Variants in KCNH8 observed in about 807,000 individuals in gnomAD.
KCNH8 encodes potassium voltage-gated channel subfamily H member 8.
In KCNH8, 70 loss-of-function variants were observed where a neutral mutation model predicts 103.6. The ratio of observed to expected loss-of-function variants is 0.68; its 90% CI spans 0.56 to 0.82. The LOEUF is 0.82. KCNH8 is among the 40% of genes least tolerant of loss of function. The pLI is 0.00. For missense variants in KCNH8, 1,217 were observed against 1,329.9 expected, an observed-to-expected ratio of 0.92 and a Z score of 1.32; for synonymous variants, 498 against 489.4, an observed-to-expected ratio of 1.02 and a Z score of -0.23.
intron 1 of KCNH8, among the ~76,000 whole-genome samples, chr3:19,158,340 AC>A (rs1214125997): frequency 6.6e-6 from 1 of 151,660 alleles, no homozygotes; most frequent in Non-Finnish European, 1.5e-5. Flanking sequence ...ATATTTTAGT[AC>A]TACAATTTTA....
At chr3:19,325,391 A>G (rs2125306384) in intron 3 of KCNH8, among the ~76,000 whole-genome samples, 2 of 152,312 alleles carry the variant, frequency 1.3e-5, no homozygotes, top group South Asian at 4.1e-4. Context: ...CTGTCAATAG[A>G]GTAGAAAGAT....
intron 12 of KCNH8, among the ~76,000 whole-genome samples, chr3:19,511,353 A>C (rs1309346217): frequency 6.6e-6 from 1 of 152,186 alleles, no homozygotes; most frequent in Admixed American, 6.5e-5. Flanking sequence ...GGAAGTATGA[A>C]ATTTCCACAA....
Position 19,513,082 on chromosome 3 carries a change from G to C in KCNH8, c.2192G>C (p.Cys731Ser). ...GAGGCAGTCTCCCTCTCTCCCATCT[G>C]CACAAGGGGATCTTCTTCGCGCAAC... ...EEEAVSLSPI[C>S]TRGSSSRNKK... The change falls in exon 13 of 16, where the codon TGC (cysteine) becomes TCC (serine). Residue 731 changes from cysteine to serine, a missense_variant. This residue lies in a region of KCNH8 where 558 missense variants were observed against 495.8 expected (regional missense o/e 1.13). Transcript: ENST00000328405. 1 of 1,613,810 alleles carries C rather than the reference G, an allele frequency of 6.2e-7. No homozygotes were observed. The highest frequency in any genetic ancestry group is 1.1e-5 in the South Asian group (1 of 91,086).
Position 19,427,505 on chromosome 3 carries a change from G to C in KCNH8, c.1178-10659G>C, listed in dbSNP as rs565644242. Among the ~76,000 whole-genome samples, 9 of 152,138 alleles carry C rather than the reference G, an allele frequency of 5.9e-5. No individual in the cohort carries two copies. In the South Asian group the frequency reaches 1.7e-3, roughly 28 times the overall value. On this transcript the variant is annotated intron_variant, in intron 7 of 15. Transcript: ENST00000328405. Reference sequence around the variant, plus strand: ...TTCCAAGAAATTACATAGAAAAATGGGTTCTTATAAACAAAAGCTATGAGG... The same window carrying C: ...TTCCAAGAAATTACATAGAAAAATGCGTTCTTATAAACAAAAGCTATGAGG...
chr3:19,331,048 A>G (rs1014526088), intron 3 of KCNH8, among the ~76,000 whole-genome samples: 3 of 152,072 alleles, frequency 2.0e-5, no homozygotes, highest in African/African-American at 7.2e-5. Flanking sequence ...CTGTAGGCAG[A>G]CTATTTCTTA....
At chr3:19,292,434 A>G (rs1002514951) in intron 3 of KCNH8, among the ~76,000 whole-genome samples, 1 of 152,224 alleles carries the variant, frequency 6.6e-6, no homozygotes, top group Non-Finnish European at 1.5e-5. Context: ...TTACACTGGT[A>G]AAAGTTTTGT....
intron 2 of KCNH8, among the ~76,000 whole-genome samples, chr3:19,262,740 A>G (rs1038368225): frequency 6.6e-5 from 10 of 152,078 alleles, no homozygotes; most frequent in Non-Finnish European, 1.5e-4. Flanking sequence ...CGACACTTGT[A>G]GTTGCTTTAG....
chr3:19,204,125 G>T (rs996509067), intron 1 of KCNH8, among the ~76,000 whole-genome samples: 3 of 152,030 alleles, frequency 2.0e-5, no homozygotes, highest in Non-Finnish European at 4.4e-5. Context: ...AATATCATCT[G>T]ATTTGGATGA....
chr3:19,292,630 G>T (rs73048565), intron 3 of KCNH8, among the ~76,000 whole-genome samples: 2,596 of 152,318 alleles, frequency 0.017, 31 homozygotes, highest in Middle Eastern at 0.088. Context: ...GCAGCCCGTG[G>T]TTAGGAACAG....
At chr3:19,466,374 C>T (rs1023236334) in intron 11 of KCNH8, among the ~76,000 whole-genome samples, 11 of 152,148 alleles carry the variant, frequency 7.2e-5, no homozygotes, top group Non-Finnish European at 1.3e-4. Flanking sequence ...GTTTGAAAGG[C>T]TTGACTCCAA....
At chr3:19,192,618 G>A (rs868368233) in intron 1 of KCNH8, among the ~76,000 whole-genome samples, 3 of 151,488 alleles carry the variant, frequency 2.0e-5, no homozygotes, top group South Asian at 4.2e-4. Context: ...AAGGTATTTG[G>A]GAAACGAGGA....
At chr3:19,505,465 TA>T (rs932985460) in intron 11 of KCNH8, among the ~76,000 whole-genome samples, 1 of 152,094 alleles carries the variant, frequency 6.6e-6, no homozygotes, top group African/African-American at 2.4e-5. Context: ...AAGTTTTTTT[TA>T]AAAAAGAATG....
At chr3:19,511,350 T>C (rs1343977027) in intron 12 of KCNH8, among the ~76,000 whole-genome samples, 4 of 152,176 alleles carry the variant, frequency 2.6e-5, no homozygotes, top group Non-Finnish European at 4.4e-5. Flanking sequence ...AATGGAAGTA[T>C]GAAATTTCCA....
At position 19,241,069 on chromosome 3, in the gene KCNH8, A is replaced by G. The variant is rs112584941; in HGVS notation, c.77-12585A>G. 7.9e-3 allele frequency among the ~76,000 whole-genome samples: 1,198 copies of G among 152,162 alleles called. 20 individuals carry two copies. The highest frequency in any genetic ancestry group is 0.027 in the African/African-American group (1,118 of 41,518). On this transcript the variant is annotated intron_variant, in intron 1 of 15. Transcript: ENST00000328405. ...TTTAGGGTTTGAGATATTTCACACT[A>G]ATTAAGATACCTCTGCTGTATCTTA...
chr3:19,246,259 T>A (rs1458993016), intron 1 of KCNH8, among the ~76,000 whole-genome samples: 1 of 146,536 alleles, frequency 6.8e-6, no homozygotes, highest in Admixed American at 6.8e-5. Flanking sequence ...TTTAAGAAGT[T>A]TTTTTGTTGT....
intron 11 of KCNH8, among the ~76,000 whole-genome samples, chr3:19,462,141 C>CT (rs1176317261): frequency 1.3e-5 from 2 of 152,142 alleles, no homozygotes; most frequent in Non-Finnish European, 2.9e-5. Flanking sequence ...ACTTATAATC[C>CT]TTTGGATATA....
At chr3:19,471,811 T>C (rs1289608520) in intron 11 of KCNH8, among the ~76,000 whole-genome samples, 1 of 152,224 alleles carries the variant, frequency 6.6e-6, no homozygotes, top group Non-Finnish European at 1.5e-5. Context: ...TATTGATTCA[T>C]GGTCAGTTGC....
intron 12 of KCNH8, 45 bp from the exon 13 acceptor site, chr3:19,512,925 G>A (rs2068806661): frequency 1.3e-6 from 2 of 1,547,722 alleles, no homozygotes; most frequent in Admixed American, 1.9e-5. Context: ...TACCTTTTCT[G>A]CGGTTTTTGC....
intron 1 of KCNH8, among the ~76,000 whole-genome samples, chr3:19,189,524 G>C (rs553987729): frequency 6.6e-6 from 1 of 151,854 alleles, no homozygotes; most frequent in African/African-American, 2.4e-5. Context: ...TTTTTTGAAA[G>C]AGAATTTTTA....
Sources: allele counts gnomAD v4.1 joint callset (sites outside exome capture counted in the v4.1 genomes callset), GRCh38; gene constraint gnomAD v4.1.1; regional missense constraint gnomAD v4.1.1; transcripts MANE v1.5; gene names NCBI Gene and HGNC (gene_info 2026-07-23, HGNC 2026-07-21).